The following ZNF682 variants were observed in gnomAD, a reference collection of about 807,000 sequenced individuals.
The protein encoded by ZNF682 is zinc finger protein 682.
A neutral mutation model predicts 36.5 loss-of-function variants in ZNF682; 29 were observed. The observed-to-expected ratio is 0.80, with a 90% CI of 0.59 to 1.08. The LOEUF (loss-of-function observed/expected upper bound fraction) is 1.08. Among genes scored for constraint, ZNF682 ranks in the 50% least tolerant of loss-of-function variants. The probability of loss-of-function intolerance (pLI) is 0.00; values close to 1 mark genes in which losing one functional copy is unlikely to be tolerated. For synonymous variants in ZNF682, 180 were observed against 197.0 expected (o/e 0.91, Z 0.72); for missense variants, 561 against 579.7 (o/e 0.97, Z 0.33).
At chr19:20,014,778 C>CA (rs554191306) in intron 3 of ZNF682, among the ~76,000 whole-genome samples, 9,779 of 71,594 alleles carry the variant, frequency 0.14, 1,058 homozygotes, top group African/African-American at 0.34. Flanking sequence ...GACTCCATCT[C>CA]AAAAAAAAAA....
At chr19:19,996,231 A>G (rs2088128321), downstream of ZNF682, among the ~76,000 whole-genome samples, 1 of 152,242 alleles carries the variant, frequency 6.6e-6, no homozygotes, top group African/African-American at 2.4e-5. Context: ...GTTCTTGAGG[A>G]GCATATGCTT....
intron 3 of ZNF682, among the ~76,000 whole-genome samples, chr19:20,012,639 G>A (rs1013665047): frequency 6.6e-6 from 1 of 151,798 alleles, no homozygotes; most frequent in African/African-American, 2.4e-5. Context: ...ATGGTGGCGG[G>A]CGCCTGTAGT....
At chr19:19,996,818 T>C (rs901926001), downstream of ZNF682, among the ~76,000 whole-genome samples, 2 of 151,962 alleles carry the variant, frequency 1.3e-5, no homozygotes, top group Admixed American at 1.3e-4. Flanking sequence ...TAAAACCTAT[T>C]GAAATTAAAA....
At position 20,006,941 on chromosome 19, in the gene ZNF682, G is replaced by T. The variant is rs770513714; in HGVS notation, c.561C>A (p.Gly187=). The T allele has an allele frequency of 3.1e-6, 5 of 1,613,368 alleles. No individual in the cohort carries two copies. Among genetic ancestry groups the T allele is most frequent in the Non-Finnish European group, 4.2e-6 (5 of 1,179,548 alleles). ...TGTGAATTATCTTATGATAAGAAAG[G>T]CCTGAGTGAGATTTAAAGACTTTGC... is the stretch of plus-strand genomic sequence containing the variant. ...QCGKVFKSHS[G]LSYHKIIHTE... The change falls in exon 4 of 4, where the codon GGC becomes GGA. Residue 187 remains glycine (G), a synonymous_variant. Transcript: ENST00000397165.
At chr19:20,031,044 G>C (rs1348913821) in intron 1 of ZNF682, 1 of 152,276 alleles carries the variant, frequency 6.6e-6, no homozygotes, top group African/African-American at 2.4e-5. Flanking sequence ...CAGGTGCTGG[G>C]AAGAGGGTCT....
At chr19:20,036,207 G>A (rs2088527456) in intron 1 of ZNF682, among the ~76,000 whole-genome samples, 1 of 152,158 alleles carries the variant, frequency 6.6e-6, no homozygotes, top group Non-Finnish European at 1.5e-5. Context: ...AATTACCTTG[G>A]AGCAGCAGTT....
At chr19:20,032,670 G>T (rs1432559775) in intron 1 of ZNF682, among the ~76,000 whole-genome samples, 2 of 152,070 alleles carry the variant, frequency 1.3e-5, no homozygotes, top group Non-Finnish European at 2.9e-5. Context: ...TCTCCACAAT[G>T]GCAGAACACA....
intron 1 of ZNF682, among the ~76,000 whole-genome samples, chr19:20,036,814 GAAAAA>G (rs869238931): frequency 2.0e-4 from 4 of 19,866 alleles, no homozygotes; most frequent in Admixed American, 8.0e-4. Context: ...AAAAAAAAAA[GAAAAA>G]AAAAAAAAAA....
At chr19:20,039,277 T>C in intron 1 of ZNF682, 66 bp downstream of exon 1, 1 of 1,602,262 alleles carries the variant, frequency 6.2e-7, no homozygotes, top group Non-Finnish European at 8.5e-7. Flanking sequence ...GTCCCGTCAC[T>C]GCCGGTTCCG....
chr19:20,010,237 C>T (rs1016341348), intron 3 of ZNF682, among the ~76,000 whole-genome samples: 1 of 152,154 alleles, frequency 6.6e-6, no homozygotes, highest in Non-Finnish European at 1.5e-5. Flanking sequence ...CAAAAACACA[C>T]ATAAGTACAT....
chr19:20,002,339 C>T (rs2088173737), downstream of ZNF682, among the ~76,000 whole-genome samples: 1 of 151,772 alleles, frequency 6.6e-6, no homozygotes, highest in South Asian at 2.1e-4. Flanking sequence ...ATGATCCGCC[C>T]GCCTTGGACT....
downstream of ZNF682, among the ~76,000 whole-genome samples, chr19:20,002,586 A>G (rs1166282375): frequency 2.0e-5 from 3 of 152,214 alleles, no homozygotes; most frequent in Admixed American, 6.5e-5. Flanking sequence ...CTGAAGAGTT[A>G]AACACAGTAA....
At chr19:20,012,782 A>C in intron 3 of ZNF682, among the ~76,000 whole-genome samples, 1 of 151,436 alleles carries the variant, frequency 6.6e-6, no homozygotes, top group East Asian at 1.9e-4. Flanking sequence ...AAAAAAAAAA[A>C]AAAAGAAATT....
At chr19:20,029,376 G>A (rs2088460407) in intron 1 of ZNF682, among the ~76,000 whole-genome samples, 1 of 151,126 alleles carries the variant, frequency 6.6e-6, no homozygotes, top group Admixed American at 6.6e-5. Context: ...CAAGGCAGGT[G>A]GATCACCTGA....
chr19:20,019,217 G>C (rs1413151926), intron 3 of ZNF682, among the ~76,000 whole-genome samples: 1 of 152,038 alleles, frequency 6.6e-6, no homozygotes. Flanking sequence ...CCCATTAGGA[G>C]AGCCATTAAC....
Position 20,006,160 on chromosome 19 carries a change from T to A in ZNF682, c.1342A>T (p.Thr448Ser). 6.2e-7 allele frequency: 1 copy of A among 1,613,134 alleles called. No homozygotes were observed. Among genetic ancestry groups the A allele is most frequent in the East Asian group, 2.2e-5 (1 of 44,872 alleles). ...SHLTRHKKIH[T>S]AVKRYKCEEC... ...TCACATTTATAGCGTTTGACGGCAGTATGAATTTTCTTATGTCTAGTAAGG... is the reference window on the plus strand; with the variant it reads ...TCACATTTATAGCGTTTGACGGCAGAATGAATTTTCTTATGTCTAGTAAGG... Residue 448 changes from threonine (T) to serine (S), a missense_variant, in exon 4 of 4, where the codon ACT (threonine) becomes TCT (serine). Physicochemically the swap from Thr to Ser is moderately conservative, Grantham distance 58. Coordinates refer to ENST00000397165, the MANE Select transcript of ZNF682 (RefSeq NM_033196.3).
At chr19:20,029,978 C>G (rs1394189260) in intron 1 of ZNF682, among the ~76,000 whole-genome samples, 1 of 152,100 alleles carries the variant, frequency 6.6e-6, no homozygotes, top group Non-Finnish European at 1.5e-5. Flanking sequence ...CAAGGTGGAG[C>G]CGGACCTGGA....
In ZNF682 at chr19:20,006,842, C is replaced by T. The variant is rs141934101; in HGVS notation, c.660G>A (p.Lys220=). ...ATGGTTTCTCTCCAGTGTGAATTCTCTTATGTTTAGTAAGGTATGAGAACC... is the reference window on the plus strand; with the variant it reads ...ATGGTTTCTCTCCAGTGTGAATTCTTTTATGTTTAGTAAGGTATGAGAACC... ...FKWFSYLTKH[K]RIHTGEKPYK... Residue 220 remains lysine (K), a synonymous_variant, in exon 4 of 4, where the codon AAG becomes AAA. Coordinates refer to ENST00000397165, the MANE Select transcript of ZNF682 (RefSeq NM_033196.3). 2.0e-3 allele frequency: 3,237 copies of T among 1,614,030 alleles called. 62 individuals carry two copies. The African/African-American group carries it at 0.036, about 18-fold the overall frequency.
intron 3 of ZNF682, among the ~76,000 whole-genome samples, chr19:19,997,900 T>A (rs931699881): frequency 1.3e-5 from 2 of 152,218 alleles, no homozygotes; most frequent in Non-Finnish European, 2.9e-5. Flanking sequence ...TGGTGCCCAC[T>A]GAGCTTTGCT....
Sources: allele counts gnomAD v4.1 joint callset (sites outside exome capture counted in the v4.1 genomes callset), GRCh38; gene constraint gnomAD v4.1.1; transcripts MANE v1.5; gene names NCBI Gene and HGNC (gene_info 2026-07-23, HGNC 2026-07-21).